The following WASF1 variants were observed in gnomAD, a reference collection of about 807,000 sequenced individuals.
WASF1 encodes the protein actin-binding protein WASF1.
A neutral mutation model predicts 50.5 loss-of-function variants in WASF1; 7 were observed. The ratio of observed to expected loss-of-function variants is 0.14; its 90% confidence interval spans 0.08 to 0.26. The LOEUF (loss-of-function observed/expected upper bound fraction) is 0.26. Ranked by LOEUF, WASF1 falls within the 10% of genes least tolerant of loss-of-function variation. The pLI, the probability that WASF1 is intolerant of heterozygous loss-of-function variation, is 1.00. For missense variants in WASF1, 470 were observed against 694.7 expected, an observed-to-expected ratio of 0.68 and a Z score of 3.64; for synonymous variants, 205 against 244.0, an observed-to-expected ratio of 0.84 and a Z score of 1.49.
At chr6:110,135,721 C>CT (rs139834112) in intron 3 of WASF1, among the ~76,000 whole-genome samples, 22,828 of 73,632 alleles carry the variant, frequency 0.31, 4,123 homozygotes, top group Non-Finnish European at 0.38. Flanking sequence ...GGAAGATTAT[C>CT]TTTTTTTTTT....
rs375820398 is a variant in WASF1, at chr6:110,100,693, T to C, written c.1523-14A>G. 1 of 1,585,760 alleles carries C rather than the reference T, an allele frequency of 6.3e-7. No homozygotes were observed. Among genetic ancestry groups the C allele is most frequent in the Admixed American group, 1.8e-5 (1 of 55,456 alleles). ...GTAGCTGAATACCTGATACAGTGAA[T>C]CCAAACCATTCATTTAAATCAAAAT... On this transcript the variant is annotated splice_polypyrimidine_tract_variant and intron_variant, in intron 10 of 10. Transcript: ENST00000392589.
chr6:110,160,178 G>T (rs915613772), intron 3 of WASF1, among the ~76,000 whole-genome samples: 2 of 151,746 alleles, frequency 1.3e-5, no homozygotes, highest in African/African-American at 4.8e-5. Context: ...AAAAACAGCT[G>T]ATTTAAAATC....
chr6:110,168,048 CA>C (rs1175851402), intron 2 of WASF1, among the ~76,000 whole-genome samples: 1 of 151,870 alleles, frequency 6.6e-6, no homozygotes, highest in Non-Finnish European at 1.5e-5. Context: ...AGACTTTTTC[CA>C]AAAGCCCTTT....
intron 4 of WASF1, among the ~76,000 whole-genome samples, chr6:110,118,624 A>G (rs1486362548): frequency 6.6e-6 from 1 of 152,186 alleles, no homozygotes; most frequent in Non-Finnish European, 1.5e-5. Flanking sequence ...TGTCAATATT[A>G]GACACATCAA....
At chr6:110,123,050 TTATCTA>T (rs990539014) in intron 4 of WASF1, among the ~76,000 whole-genome samples, 21 of 152,226 alleles carry the variant, frequency 1.4e-4, no homozygotes, top group African/African-American at 4.8e-4. Context: ...ATTACTTGCT[TTATCTA>T]TATCTGTCCA....
rs116735581 is a variant in WASF1, at chr6:110,113,839, C to G, written c.134-379G>C. Among the ~76,000 whole-genome samples, 1,083 of 151,332 alleles carry G rather than the reference C, an allele frequency of 7.2e-3. 11 individuals carry two copies. The highest frequency in any genetic ancestry group is 0.025 in the African/African-American group (1,014 of 40,934). Reference sequence around the variant, plus strand: ...GCATAAAATCTATGTAAATACTAGACTATTTTATCATTTACTACCACAAAA... The same window carrying G: ...GCATAAAATCTATGTAAATACTAGAGTATTTTATCATTTACTACCACAAAA... On this transcript the variant is annotated intron_variant, in intron 4 of 10. Coordinates refer to ENST00000392589, the MANE Select transcript of WASF1 (RefSeq NM_003931.3).
At chr6:110,111,984 T>C (rs1244590249) in intron 5 of WASF1, among the ~76,000 whole-genome samples, 5 of 151,798 alleles carry the variant, frequency 3.3e-5, no homozygotes, top group Middle Eastern at 3.4e-3. Flanking sequence ...TATTATTTCC[T>C]TTTCTTCTTG....
At chr6:110,108,746 T>G in intron 5 of WASF1, 65 bp from the exon 6 acceptor site, 1 of 1,463,596 alleles carries the variant, frequency 6.8e-7, no homozygotes, top group East Asian at 2.5e-5. Context: ...TAAGGGCAAA[T>G]TCACATACTT....
At chr6:110,137,733 G>A (rs1241761841) in intron 3 of WASF1, among the ~76,000 whole-genome samples, 1 of 151,952 alleles carries the variant, frequency 6.6e-6, no homozygotes, top group African/African-American at 2.4e-5. Flanking sequence ...GTCATAAGAT[G>A]GAATGTTAAG....
Position 110,103,519 on chromosome 6 carries a change from G to A in WASF1, c.752C>T (p.Ser251Leu). 9 of 1,613,906 alleles carry A rather than the reference G, an allele frequency of 5.6e-6. No homozygotes were observed. The highest frequency in any genetic ancestry group is 7.6e-6 in the Non-Finnish European group (9 of 1,179,834). Residue 251 changes from serine (S) to leucine (L), a missense_variant, in exon 9 of 11, where the codon TCA (serine) becomes TTA (leucine). Physicochemically the swap from Ser to Leu is moderately radical, Grantham distance 145. Around this residue, in one of 3 missense-constraint regions of WASF1, gnomAD observed 294 missense variants for 343.5 expected, o/e 0.86. Coordinates refer to ENST00000392589, the MANE Select transcript of WASF1 (RefSeq NM_003931.3). ...CTGACTAAATGGCAAGGCAGAAAGT[G>A]AGTAAGATCCATCCATATGATCCAC... ...TYVDHMDGSY[S>L]LSALPFSQMS... is the part of the protein sequence containing the mutation.
chr6:110,126,411 T>C (rs1382868692), intron 4 of WASF1, among the ~76,000 whole-genome samples: 5 of 152,194 alleles, frequency 3.3e-5, no homozygotes, highest in Non-Finnish European at 7.3e-5. Flanking sequence ...AATGCAAAAA[T>C]TTAGTACTCT....
At chr6:110,175,127 A>G (rs1776874340) in intron 2 of WASF1, among the ~76,000 whole-genome samples, 1 of 152,066 alleles carries the variant, frequency 6.6e-6, no homozygotes, top group Non-Finnish European at 1.5e-5. Context: ...TTTATGGGGC[A>G]ATAATCCATC....
chr6:110,144,423 C>T (rs1290183535), intron 3 of WASF1, among the ~76,000 whole-genome samples: 1 of 152,154 alleles, frequency 6.6e-6, no homozygotes, highest in East Asian at 1.9e-4. Flanking sequence ...TGCCTGTTCA[C>T]TCTGATGGTG....
chr6:110,120,693 G>C (rs1245230472), intron 4 of WASF1, among the ~76,000 whole-genome samples: 1 of 152,100 alleles, frequency 6.6e-6, no homozygotes, highest in Non-Finnish European at 1.5e-5. Flanking sequence ...CTACTTTAAA[G>C]TTCATATGGA....
chr6:110,149,270 G>A (rs1775717345), intron 3 of WASF1, among the ~76,000 whole-genome samples: 1 of 151,570 alleles, frequency 6.6e-6, no homozygotes, highest in South Asian at 2.1e-4. Context: ...ACCTATTTCA[G>A]CCTGAAGGAT....
At chr6:110,179,302 G>A (rs1360397105) in intron 1 of WASF1, 137 bp downstream of exon 1, 2 of 152,298 alleles carry the variant, frequency 1.3e-5, no homozygotes, top group South Asian at 2.1e-4. Context: ...GGGGGCCGGG[G>A]CGGGGAAGGC....
chr6:110,103,240 T>C, intron 9 of WASF1, 138 bp downstream of exon 9: 1 of 826,838 alleles, frequency 1.2e-6, no homozygotes, highest in Non-Finnish European at 1.9e-6. Flanking sequence ...ATGGTGGCTT[T>C]CATGCAACAA....
At chr6:110,127,704 G>A in intron 3 of WASF1, 75 bp from the exon 4 acceptor site, 3 of 1,295,604 alleles carry the variant, frequency 2.3e-6, no homozygotes, top group Non-Finnish European at 3.0e-6. Flanking sequence ...TTTCATTGAA[G>A]AATAAAGCAC....
At chr6:110,166,903 T>A (rs79117444) in intron 2 of WASF1, among the ~76,000 whole-genome samples, 4,860 of 151,866 alleles carry the variant, frequency 0.032, 144 homozygotes, top group South Asian at 0.12. Flanking sequence ...GTGAAAAAAA[T>A]TTTAAAGTAT....
Sources: allele counts gnomAD v4.1 joint callset (sites outside exome capture counted in the v4.1 genomes callset), GRCh38; gene constraint gnomAD v4.1.1; regional missense constraint gnomAD v4.1.1; transcripts MANE v1.5; gene names NCBI Gene and HGNC (gene_info 2026-07-23, HGNC 2026-07-21).